Variants in UBE2E2 observed in about 807,000 individuals in gnomAD.
UBE2E2 encodes the protein ubiquitin conjugating enzyme E2 E2.
UBE2E2 carries 6 observed loss-of-function variants against 24.7 expected under a neutral mutation model. The observed-to-expected ratio is 0.24, with a 90% confidence interval of 0.13 to 0.48. The LOEUF (loss-of-function observed/expected upper bound fraction) is 0.48. Among genes scored for constraint, UBE2E2 ranks in the 20% least tolerant of loss-of-function variants. UBE2E2 has a pLI of 0.99. For missense variants in UBE2E2, 169 were observed against 245.0 expected (o/e 0.69, Z 2.07); for synonymous variants, 104 against 83.6 (o/e 1.24, Z -1.33).
At chr3:23,363,846 T>G (rs774217964) in intron 3 of UBE2E2, among the ~76,000 whole-genome samples, 1 of 152,008 alleles carries the variant, frequency 6.6e-6, no homozygotes, top group Non-Finnish European at 1.5e-5. Flanking sequence ...ATATACATTC[T>G]TCTCATCTGC....
intron 3 of UBE2E2, among the ~76,000 whole-genome samples, chr3:23,267,036 C>G (rs1238997985): frequency 6.6e-6 from 1 of 151,930 alleles, no homozygotes; most frequent in Non-Finnish European, 1.5e-5. Context: ...ACCAGAATCT[C>G]TGGGACACAT....
chr3:23,221,268 G>T (rs997821115), intron 3 of UBE2E2, among the ~76,000 whole-genome samples: 1 of 152,072 alleles, frequency 6.6e-6, no homozygotes, highest in Non-Finnish European at 1.5e-5. Context: ...GAACACTGGC[G>T]CTGCTTTTTA....
intron 3 of UBE2E2, among the ~76,000 whole-genome samples, chr3:23,382,151 C>T (rs1226927722): frequency 6.7e-6 from 1 of 149,548 alleles, no homozygotes; most frequent in African/African-American, 2.5e-5. Context: ...GTGATTTACA[C>T]TACTCTTCAT....
chr3:23,233,926 C>G (rs189558681), intron 3 of UBE2E2, among the ~76,000 whole-genome samples: 3 of 152,152 alleles, frequency 2.0e-5, no homozygotes, highest in Non-Finnish European at 2.9e-5. Flanking sequence ...GTTTAAATAG[C>G]TTCTATCAAA....
chr3:23,565,444 C>CTTT (rs574461544), intron 5 of UBE2E2, among the ~76,000 whole-genome samples: 484 of 46,250 alleles, frequency 0.01, 137 homozygotes, highest in African/African-American at 0.038. Context: ...ATAGGCATGG[C>CTTT]TTTTTTTTTT....
At chr3:23,537,968 G>A (rs1695304860) in intron 5 of UBE2E2, among the ~76,000 whole-genome samples, 1 of 152,136 alleles carries the variant, frequency 6.6e-6, no homozygotes, top group African/African-American at 2.4e-5. Flanking sequence ...GGATTCTAGT[G>A]CTTACACAAT....
rs1335392759 is a variant in UBE2E2 at position 23,280,319 on chromosome 3, T to G, written c.227+63007T>G. 1.3e-5 allele frequency among the ~76,000 whole-genome samples: 2 copies of G among 152,200 alleles called. No individual in the cohort carries two copies. The highest frequency in any genetic ancestry group is 4.8e-5 in the African/African-American group (2 of 41,446). On this transcript the variant is annotated intron_variant, in intron 3 of 5. Transcript: ENST00000396703. This position sits in a 1 kb window ranked among gnomAD's most constrained non-coding sequence, Gnocchi z 4.3. ...GTGTAATTTTTAGTGGTGAGAGTCT[T>G]AAGAGTACTAGTATTCTTTGGGAAA... is the stretch of plus-strand genomic sequence containing the variant.
chr3:23,330,091 C>G (rs1427553200), intron 3 of UBE2E2, among the ~76,000 whole-genome samples: 3 of 152,170 alleles, frequency 2.0e-5, no homozygotes, highest in East Asian at 3.8e-4. Context: ...AAGAAACACT[C>G]GAGAAGCTAG....
chr3:23,292,016 A>G (rs973485906), intron 3 of UBE2E2, among the ~76,000 whole-genome samples: 38 of 151,806 alleles, frequency 2.5e-4, no homozygotes, highest in East Asian at 1.2e-3. Context: ...CCGCCACCGC[A>G]CCCGGCTAAT....
intron 4 of UBE2E2, 127 bp from the exon 5 acceptor site, chr3:23,532,427 G>A (rs1695146579): frequency 1.4e-6 from 1 of 726,356 alleles, no homozygotes; most frequent in Non-Finnish European, 2.0e-6. Flanking sequence ...AAAATCAAGT[G>A]TATGTTAACC....
chr3:23,485,984 C>T (rs563325399), intron 3 of UBE2E2, among the ~76,000 whole-genome samples: 110 of 152,280 alleles, frequency 7.2e-4, no homozygotes, highest in African/African-American at 2.6e-3. Context: ...CTTCAGGTGT[C>T]GCTTCACCAG....
chr3:23,307,972 C>T (rs994375375), intron 3 of UBE2E2, among the ~76,000 whole-genome samples: 1 of 152,052 alleles, frequency 6.6e-6, no homozygotes, highest in Non-Finnish European at 1.5e-5. Context: ...TACATTTCTC[C>T]CAACTTACCA....
chr3:23,478,393 G>A, intron 3 of UBE2E2, among the ~76,000 whole-genome samples: 1 of 152,102 alleles, frequency 6.6e-6, no homozygotes, highest in East Asian at 1.9e-4. Context: ...GATCACCAAA[G>A]GAAATTTAAA....
At chr3:23,503,652 G>A (rs184445631) in intron 4 of UBE2E2, among the ~76,000 whole-genome samples, 4 of 151,698 alleles carry the variant, frequency 2.6e-5, no homozygotes, top group Non-Finnish European at 5.9e-5. Flanking sequence ...TCAGGAGTTC[G>A]AGACCAGCCT....
chr3:23,427,128 TAAAG>T (rs940996593), intron 3 of UBE2E2, among the ~76,000 whole-genome samples: 5 of 151,896 alleles, frequency 3.3e-5, no homozygotes, highest in African/African-American at 7.2e-5. Flanking sequence ...TTCAAAAAGT[TAAAG>T]AAGTATGGCC....
chr3:23,577,540 G>T (rs1214885404), intron 5 of UBE2E2, among the ~76,000 whole-genome samples: 1 of 152,128 alleles, frequency 6.6e-6, no homozygotes, highest in Non-Finnish European at 1.5e-5. Context: ...TTTTAAAAAA[G>T]AAGCCATCTT....
chr3:23,545,010 C>T (rs1232061495), intron 5 of UBE2E2, among the ~76,000 whole-genome samples: 1 of 152,232 alleles, frequency 6.6e-6, no homozygotes, highest in African/African-American at 2.4e-5. Context: ...CAATGCTTTA[C>T]AAAGCAGTAT....
At chr3:23,570,405 A>G (rs984510872) in intron 5 of UBE2E2, among the ~76,000 whole-genome samples, 4 of 152,058 alleles carry the variant, frequency 2.6e-5, no homozygotes, top group Admixed American at 6.6e-5. Context: ...AGCCCAGCCC[A>G]TTTCCCAGTA....
In UBE2E2 at chr3:23,254,816, G is replaced by A. The variant is rs13069028; in HGVS notation, c.227+37504G>A. Among the ~76,000 whole-genome samples the A allele has an allele frequency of 2.0e-5, 3 of 152,242 alleles. No homozygotes were observed. In the South Asian group the frequency reaches 6.2e-4, roughly 32 times the overall value. The stretch of plus-strand genomic sequence containing the variant: ...GAGAGAATGGATGTGAGGGGAAGAG[G>A]AAGCTGGAAAGGCAGGGTGTGGCCA... On this transcript the variant is annotated intron_variant, in intron 3 of 5. Coordinates refer to ENST00000396703, the MANE Select transcript of UBE2E2 (RefSeq NM_152653.4).
Sources: allele counts gnomAD v4.1 joint callset (sites outside exome capture counted in the v4.1 genomes callset), GRCh38; gene constraint gnomAD v4.1.1; non-coding constraint Gnocchi (gnomAD v3.1); transcripts MANE v1.5; gene names NCBI Gene and HGNC (gene_info 2026-07-23, HGNC 2026-07-21).